The following ABCA3 variants were observed in gnomAD, a reference collection of about 807,000 sequenced individuals.
The protein encoded by ABCA3 is ATP binding cassette subfamily A member 3, also known as phospholipid-transporting ATPase ABCA3.
A neutral mutation model predicts 172.8 loss-of-function variants in ABCA3; 88 were observed. That is an observed-to-expected ratio of 0.51 (90% CI 0.43 to 0.61). The LOEUF is 0.61. Among genes scored for constraint, ABCA3 ranks in the 20% least tolerant of loss-of-function variants. ABCA3 has a pLI of 0.00. For synonymous variants in ABCA3, 1,066 were observed against 983.8 expected, an observed-to-expected ratio of 1.08 and a Z score of -1.56; for missense variants, 2,164 against 2,301.0, an observed-to-expected ratio of 0.94 and a Z score of 1.22.
At chr16:2,310,685 G>GT (rs947208420) in intron 10 of ABCA3, among the ~76,000 whole-genome samples, 5 of 151,156 alleles carry the variant, frequency 3.3e-5, no homozygotes, top group East Asian at 2.0e-4. Context: ...CCAGGCTAAT[G>GT]TTTTTTTTAT....
At chr16:2,299,872 C>A in intron 13 of ABCA3, 133 bp downstream of exon 13, 1 of 1,335,380 alleles carries the variant, frequency 7.5e-7, no homozygotes, top group Non-Finnish European at 1.0e-6. Context: ...AGGGTTCCTG[C>A]CCTCCTTCAG....
Position 2,340,700 on chromosome 16 carries a change from A to C in ABCA3, c.-666T>G, listed in dbSNP as rs1431999278. 1.3e-5 allele frequency: 2 copies of C among 150,240 alleles called. No homozygotes were observed. Among genetic ancestry groups the C allele is most frequent in the Non-Finnish European group, 3.0e-5 (2 of 67,282 alleles). 9.3% of individuals were successfully genotyped at this position (150,240 alleles called of 1,614,324 possible). A position where few individuals can be genotyped will look rare whatever the true frequency, so the allele number is the denominator to read the frequency against. ...ACTGACAGCTGCGTGGCCGCCCTGG[A>C]GGGGAGGGTGCGCCTGCAACCCGCT... On this transcript the variant is annotated 5_prime_UTR_variant, in exon 1 of 33. Coordinates refer to ENST00000301732, the MANE Select transcript of ABCA3 (RefSeq NM_001089.3).
intron 19 of ABCA3, among the ~76,000 whole-genome samples, chr16:2,290,180 G>A (rs375362434): frequency 9.7e-4 from 147 of 152,240 alleles, no homozygotes; most frequent in African/African-American, 3.2e-3. Context: ...CTGCTCCTCT[G>A]GCCCTTGGCA....
rs758261460 is a variant in ABCA3, at chr16:2,278,929, C to T, written c.4547+14G>A. Reference sequence around the variant, plus strand: ...GACTCCACTCTGGGAAGGGCCAGGGCTCGGGAGGTGCACCTGTACGTCCTG... The same window carrying T: ...GACTCCACTCTGGGAAGGGCCAGGGTTCGGGAGGTGCACCTGTACGTCCTG... On this transcript the variant is annotated intron_variant, in intron 29 of 32. Transcript: ENST00000301732. The surrounding 1 kb of genome is among the most constrained non-coding windows in gnomAD (Gnocchi z 4.4). 6.2e-7 allele frequency: 1 copy of T among 1,613,350 alleles called. No homozygotes were observed. Among genetic ancestry groups the T allele is most frequent in the Non-Finnish European group, 8.5e-7 (1 of 1,180,040 alleles).
chr16:2,292,406 T>A (rs1442451857), intron 18 of ABCA3, among the ~76,000 whole-genome samples, 168 bp from the exon 19 acceptor site: 3 of 151,788 alleles, frequency 2.0e-5, no homozygotes, highest in Admixed American at 2.0e-4. Flanking sequence ...TCGATACCAG[T>A]CTAGTCAACA....
In ABCA3 at chr16:2,281,065, A is replaced by C. The variant is rs1362533814; in HGVS notation, c.4321T>G (p.Phe1441Val). 7 of 1,613,408 alleles carry C rather than the reference A, an allele frequency of 4.3e-6. No individual in the cohort carries two copies. The highest frequency in any genetic ancestry group is 5.9e-6 in the Non-Finnish European group (7 of 1,179,926). ...GAGCTGATTCTGTGACCCCCGACAA[A>C]GGCATCCCCAGAAGTGAGGCTCTCC... ...GEESLTSGDAFVGGHRISSDV... is the reference protein window; with the variant it reads ...GEESLTSGDAVVGGHRISSDV... The change falls in exon 28 of 33, where the codon TTT becomes GTT. Residue 1441 changes from phenylalanine to valine, a missense_variant. Coordinates refer to ENST00000301732, the MANE Select transcript of ABCA3 (RefSeq NM_001089.3). This position sits in a 1 kb window ranked among gnomAD's most constrained non-coding sequence, Gnocchi z 4.7.
chr16:2,317,762 C>G lies in ABCA3; in HGVS notation c.876G>C (p.Glu292Asp). The change falls in exon 9 of 33, where the codon GAG becomes GAC. Residue 292 changes from glutamate (E) to aspartate (D), a missense_variant and splice_region_variant. Physicochemically the swap from Glu to Asp is conservative, Grantham distance 45 (BLOSUM62 2). Transcript: ENST00000301732. ...TGCTGAGCCCCATCATGCGCATGTA[C>G]TCCTGGGGAGAGAAGCCATCACGCT... ...VVQEKERRLK[E>D]YMRMMGLSSW... 1.2e-6 allele frequency: 2 copies of G among 1,614,120 alleles called. No individual in the cohort carries two copies. The highest frequency in any genetic ancestry group is 1.7e-6 in the Non-Finnish European group (2 of 1,179,948).
chr16:2,304,098 G>C lies in ABCA3; in HGVS notation c.1338C>G (p.Asp446Glu), dbSNP rs1429729805. The C allele has an allele frequency of 1.9e-6, 3 of 1,614,190 alleles. No individual in the cohort carries two copies. In the South Asian group the frequency reaches 3.3e-5, roughly 18 times the overall value. ...DLLSPVNVDD[D>E]FCFGQVLGML... ...TCCCCAGCACCTGCCCGAAGCAGAAGTCGTCGTCCACGTTGACGGGACTCA... is the reference window on the plus strand; with the variant it reads ...TCCCCAGCACCTGCCCGAAGCAGAACTCGTCGTCCACGTTGACGGGACTCA... Residue 446 changes from aspartate (D) to glutamate (E), a missense_variant, in exon 12 of 33, where the codon GAC becomes GAG. By Grantham distance (45) the Asp-to-Glu change is conservative (BLOSUM62 2). Transcript: ENST00000301732.
intron 10 of ABCA3, 109 bp downstream of exon 10, chr16:2,317,174 G>T: frequency 6.6e-7 from 1 of 1,519,276 alleles, no homozygotes; most frequent in South Asian, 1.1e-5. Context: ...TCCTCCCTGG[G>T]CAGCTCCACC....
Position 2,308,633 on chromosome 16 carries a change from T to C in ABCA3, c.1112-10A>G. 1.9e-6 allele frequency: 3 copies of C among 1,613,782 alleles called. No homozygotes were observed. The highest frequency in any genetic ancestry group is 2.5e-6 in the Non-Finnish European group (3 of 1,179,810). On this transcript the variant is annotated splice_polypyrimidine_tract_variant and intron_variant, in intron 10 of 32. Coordinates refer to ENST00000301732, the MANE Select transcript of ABCA3 (RefSeq NM_001089.3). ...GCTGCTGCCATGTTGGCTGCAGGTG[T>C]TGGAAGACCCGGGGGGCGTGAGCGT...
In ABCA3 at chr16:2,324,503, A is replaced by G. The variant is rs1280667744; in HGVS notation, c.348T>C (p.Phe116=). The G allele has an allele frequency of 1.2e-6, 2 of 1,609,630 alleles. No individual in the cohort carries two copies. Among genetic ancestry groups the G allele is most frequent in the Non-Finnish European group, 1.7e-6 (2 of 1,179,708 alleles). ...RVRGFPSEKD[F]EDYIRYDNCS... Reference sequence around the variant, plus strand: ...AGTTGTCGTACCTAATGTAGTCCTCAAAGTCCTTCTCGGAGGGAAAGCCGC... The same window carrying G: ...AGTTGTCGTACCTAATGTAGTCCTCGAAGTCCTTCTCGGAGGGAAAGCCGC... Residue 116 remains phenylalanine, a synonymous_variant, in exon 6 of 33, where the codon TTT becomes TTC. Transcript: ENST00000301732.
At chr16:2,332,608 T>C in intron 1 of ABCA3, 1 of 1,564,704 alleles carries the variant, frequency 6.4e-7, no homozygotes, top group East Asian at 2.2e-5. Context: ...CAGCAGCTTG[T>C]ACTGTAGCGT....
rs2093663907 is a variant in ABCA3 at position 2,286,817 on chromosome 16, G to A, written c.3155C>T (p.Thr1052Ile). 3.7e-6 allele frequency: 6 copies of A among 1,614,058 alleles called. No homozygotes were observed. The highest frequency in any genetic ancestry group is 1.7e-5 in the Admixed American group (1 of 60,010). The change falls in exon 22 of 33, where the codon ACT becomes ATT. Residue 1052 changes from threonine (T) to isoleucine (I), a missense_variant. By Grantham distance (89) the Thr-to-Ile change is moderately conservative (BLOSUM62 -1). Around this residue, in one of 3 missense-constraint regions of ABCA3, gnomAD observed 26 missense variants for 49.5 expected, o/e 0.53. Coordinates refer to ENST00000301732, the MANE Select transcript of ABCA3 (RefSeq NM_001089.3). The surrounding 1 kb of genome is among the most constrained non-coding windows in gnomAD (Gnocchi z 5.2). ...FNNQAYHSPATALAVVDNLLF... is the reference protein window; with the variant it reads ...FNNQAYHSPAIALAVVDNLLF... ...AAGGTTGTCCACGACGGCCAGGGCAGTGGCTGGAGAGTGGTACGCCTGGTT... is the reference window on the plus strand; with the variant it reads ...AAGGTTGTCCACGACGGCCAGGGCAATGGCTGGAGAGTGGTACGCCTGGTT...
rs1413015590 is a variant in ABCA3, at chr16:2,335,319, T to C, written c.-539+5254A>G. ...CTTCACTGATTTGTTTGTTTGTTTGTTTGTTTCCTGTAGGGACAGGATCTC... is the reference window on the plus strand; with the variant it reads ...CTTCACTGATTTGTTTGTTTGTTTGCTTGTTTCCTGTAGGGACAGGATCTC... On this transcript the variant is annotated intron_variant, in intron 1 of 32. Coordinates refer to ENST00000301732, the MANE Select transcript of ABCA3 (RefSeq NM_001089.3). Among the ~76,000 whole-genome samples the C allele has an allele frequency of 2.0e-5, 3 of 152,228 alleles. No individual in the cohort carries two copies. The East Asian group carries it at 5.8e-4, about 29-fold the overall frequency.
intron 19 of ABCA3, 50 bp downstream of exon 19, chr16:2,292,090 C>G (rs754914505): frequency 4.8e-6 from 7 of 1,470,234 alleles, no homozygotes; most frequent in Non-Finnish European, 6.7e-6. Flanking sequence ...AAAAAGTCCT[C>G]TGCAGCACGG....
intron 12 of ABCA3, 62 bp from the exon 13 acceptor site, chr16:2,300,210 CAG>C: frequency 1.2e-6 from 2 of 1,606,688 alleles, no homozygotes; most frequent in Non-Finnish European, 1.7e-6. Context: ...CAACAACCAG[CAG>C]ACACACTAGA....
Position 2,298,403 on chromosome 16 carries a change from G to C in ABCA3, c.1879C>G (p.Leu627Val). ...CAACTCACCTGGGCGTAGAAATAAAGGTGCTCTGCGACTGTCAAGTTGTCA... is the reference window on the plus strand; with the variant it reads ...CAACTCACCTGGGCGTAGAAATAAACGTGCTCTGCGACTGTCAAGTTGTCA... ...LFDNLTVAEH[L>V]YFYAQLKGLS... The change falls in exon 15 of 33, where the codon CTT (leucine) becomes GTT (valine). Residue 627 changes from leucine (L) to valine (V), a missense_variant. By Grantham distance (32) the Leu-to-Val change is conservative. Around this residue, in one of 3 missense-constraint regions of ABCA3, gnomAD observed 1,343 missense variants for 1,369.6 expected, o/e 0.98. Transcript: ENST00000301732. 6.2e-7 allele frequency: 1 copy of C among 1,614,076 alleles called. No homozygotes were observed. The highest frequency in any genetic ancestry group is 2.2e-5 in the East Asian group (1 of 44,854).
At chr16:2,317,567 C>T (rs1038860331) in intron 9 of ABCA3, 81 bp downstream of exon 9, 3 of 1,590,120 alleles carry the variant, frequency 1.9e-6, no homozygotes, top group East Asian at 2.2e-5. Flanking sequence ...TCTCTGACCA[C>T]AAAGTTCTTC....
At chr16:2,331,450 C>T (rs998922055) in intron 1 of ABCA3, among the ~76,000 whole-genome samples, 3 of 152,198 alleles carry the variant, frequency 2.0e-5, no homozygotes, top group East Asian at 1.9e-4. Flanking sequence ...CCGCCCGCCT[C>T]GGCCTCCCAA....
Sources: gnomAD v4.1 joint callset for allele counts (sites outside exome capture counted in the v4.1 genomes callset) on GRCh38, gnomAD v4.1.1 for gene constraint, gnomAD v4.1.1 regional missense constraint, Gnocchi (gnomAD v3.1) non-coding constraint, MANE v1.5 for transcripts, NCBI Gene and HGNC (gene_info 2026-07-23, HGNC 2026-07-21) for gene names.